The following GPT2 variants were observed in gnomAD, a reference collection of about 807,000 sequenced individuals.
GPT2 encodes the protein alanine aminotransferase 2.
GPT2 carries 30 observed loss-of-function variants against 56.9 expected under a neutral mutation model. The ratio of observed to expected loss-of-function variants is 0.53; its 90% confidence interval spans 0.39 to 0.72. The LOEUF (loss-of-function observed/expected upper bound fraction) is 0.72. Among genes scored for constraint, GPT2 ranks in the 30% least tolerant of loss-of-function variants. GPT2 has a pLI of 0.00. For synonymous variants in GPT2, 271 were observed against 283.1 expected (o/e 0.96, Z 0.43); for missense variants, 542 against 703.4 (o/e 0.77, Z 2.60).
intron 4 of GPT2, among the ~76,000 whole-genome samples, chr16:46,905,836 T>C (rs1960913847): frequency 6.6e-6 from 1 of 152,170 alleles, no homozygotes; most frequent in Non-Finnish European, 1.5e-5. Flanking sequence ...CATGGGTCTT[T>C]CTAGTCAATA....
At chr16:46,892,635 T>A (rs1960606984) in intron 2 of GPT2, among the ~76,000 whole-genome samples, 1 of 152,340 alleles carries the variant, frequency 6.6e-6, no homozygotes, top group East Asian at 1.9e-4. Context: ...AAGTATGAGA[T>A]GATATCTCAT....
chr16:46,897,515 G>A, intron 2 of GPT2, 133 bp from the exon 3 acceptor site: 3 of 735,422 alleles, frequency 4.1e-6, no homozygotes, highest in South Asian at 3.6e-5. Context: ...TCAAAGGCCT[G>A]GCACCAAGTC....
At chr16:46,910,278 G>A (rs537171983) in intron 6 of GPT2, among the ~76,000 whole-genome samples, 7 of 151,456 alleles carry the variant, frequency 4.6e-5, no homozygotes, top group Admixed American at 4.0e-4. Flanking sequence ...CTGCTCAGGA[G>A]GCTGAAGCAT....
At chr16:46,902,781 A>G (rs1969751149) in intron 4 of GPT2, among the ~76,000 whole-genome samples, 1 of 152,006 alleles carries the variant, frequency 6.6e-6, no homozygotes, top group African/African-American at 2.4e-5. Context: ...ACGCGCCACC[A>G]CGCCTGGGTA....
rs761582646 is a variant in GPT2, at chr16:46,928,978, TC to T, written c.1555del (p.Leu519TrpfsTer9). ...LQKVKDFHINFLEKYA is the reference protein window; with the variant it reads ...LQKVKDFHINXLEKYA The stretch of plus-strand genomic sequence containing the variant: ...AAGGTGAAAGACTTCCACATCAACT[TC>T]CTGGAGAAGTACGCGTGAGGACGCC... On this transcript the variant is annotated frameshift_variant, in exon 12 of 12. Coordinates refer to ENST00000340124, the MANE Select transcript of GPT2 (RefSeq NM_133443.4). LOFTEE classifies it high-confidence loss of function. The T allele has an allele frequency of 6.2e-7, 1 of 1,614,068 alleles. No individual in the cohort carries two copies. Among genetic ancestry groups the T allele is most frequent in the Non-Finnish European group, 8.5e-7 (1 of 1,179,952 alleles).
rs1410772530 is a variant in GPT2, at chr16:46,897,716, G to A, written c.312G>A (p.Gln104=). 11 of 1,613,942 alleles carry A rather than the reference G, an allele frequency of 6.8e-6. No homozygotes were observed. The highest frequency in any genetic ancestry group is 7.6e-6 in the Non-Finnish European group (9 of 1,179,918). Residue 104 remains glutamine (Q), a synonymous_variant, in exon 3 of 12, where the codon CAG becomes CAA. Transcript: ENST00000340124. ...NIGDAQAMGQ[Q]PITFLRQVMA... is the part of the protein sequence containing the mutation. The stretch of plus-strand genomic sequence containing the variant: ...GGGACGCCCAGGCTATGGGGCAGCA[G>A]CCAATCACCTTCCTCCGGCAGGTGA...
intron 9 of GPT2, among the ~76,000 whole-genome samples, chr16:46,922,907 C>T (rs1039913343): frequency 4.6e-5 from 7 of 152,184 alleles, no homozygotes; most frequent in Non-Finnish European, 8.8e-5. Flanking sequence ...TCCAGGCTCA[C>T]TTCTTTTTTA....
rs778234212 is a variant in GPT2, at chr16:46,924,509, A to C, written c.1333A>C (p.Ile445Leu). 1.2e-6 allele frequency: 2 copies of C among 1,614,156 alleles called. No individual in the cohort carries two copies. The highest frequency in any genetic ancestry group is 1.7e-6 in the Non-Finnish European group (2 of 1,180,024). The change falls in exon 10 of 12, where the codon ATC becomes CTC. Residue 445 changes from isoleucine (I) to leucine (L), a missense_variant. By Grantham distance (5) the Ile-to-Leu change is conservative. Coordinates refer to ENST00000340124, the MANE Select transcript of GPT2 (RefSeq NM_133443.4). ...GGGGGCCATGTACGCCTTCCCTCGG[A>C]TCTTCATTCCTGCCAAAGCTGTGGA... The part of the protein sequence containing the change: ...LQGAMYAFPR[I>L]FIPAKAVEAA...
At position 46,885,156 on chromosome 16, in the gene GPT2, T is replaced by A. The variant is rs564553894; in HGVS notation, c.243+198T>A. On this transcript the variant is annotated intron_variant, in intron 2 of 11. Coordinates refer to ENST00000340124, the MANE Select transcript of GPT2 (RefSeq NM_133443.4). ...CAGCACCGGGCACTCAGTGAGGCCT[T>A]GCAATACGGTTCACTTGTTGAATTG... 44 of 1,312,910 alleles carry A rather than the reference T, an allele frequency of 3.4e-5. No homozygotes were observed. The African/African-American group carries it at 6.1e-4, about 18-fold the overall frequency. The allele number at this position is 1,312,910 out of a possible 1,614,324, so 81.3% of individuals were successfully genotyped here. A position where few individuals can be genotyped will look rare whatever the true frequency, so the allele number is the denominator to read the frequency against.
chr16:46,920,824 G>A (rs939102492), intron 8 of GPT2, among the ~76,000 whole-genome samples: 1 of 152,008 alleles, frequency 6.6e-6, no homozygotes, highest in African/African-American at 2.4e-5. Flanking sequence ...TCTGTTCTCG[G>A]TGAACTCAGT....
chr16:46,893,358 G>A (rs1364905986), intron 2 of GPT2, among the ~76,000 whole-genome samples: 3 of 152,050 alleles, frequency 2.0e-5, no homozygotes, highest in Admixed American at 2.0e-4. Flanking sequence ...GTCTCGATCT[G>A]CTGACCTCGT....
intron 2 of GPT2, among the ~76,000 whole-genome samples, chr16:46,896,277 T>G (rs1960684189): frequency 6.6e-6 from 1 of 152,146 alleles, no homozygotes; most frequent in African/African-American, 2.4e-5. Context: ...TCCCTGTAAT[T>G]CTCTATGTCA....
At chr16:46,898,973 C>CAT (rs1432579750) in intron 3 of GPT2, among the ~76,000 whole-genome samples, 10 of 8,856 alleles carry the variant, frequency 1.1e-3, no homozygotes, top group African/African-American at 2.0e-3. Flanking sequence ...TATACACACA[C>CAT]ACATATATAT....
chr16:46,898,151 C>A (rs753616225), intron 3 of GPT2, among the ~76,000 whole-genome samples: 1 of 152,182 alleles, frequency 6.6e-6, no homozygotes, highest in Non-Finnish European at 1.5e-5. Flanking sequence ...GTGGGCTCTG[C>A]TGCGTACCAG....
chr16:46,896,427 C>T (rs144053353), intron 2 of GPT2, among the ~76,000 whole-genome samples: 188 of 152,102 alleles, frequency 1.2e-3, no homozygotes, highest in African/African-American at 4.3e-3. Context: ...ATTTGCTCTT[C>T]AGTCAGTCTT....
intron 6 of GPT2, among the ~76,000 whole-genome samples, chr16:46,911,143 A>G (rs1961039350): frequency 6.6e-6 from 1 of 152,204 alleles, no homozygotes; most frequent in African/African-American, 2.4e-5. Flanking sequence ...AACAAAAGCA[A>G]CTAAACCAAA....
intron 4 of GPT2, among the ~76,000 whole-genome samples, chr16:46,906,153 A>G (rs1960921160): frequency 6.6e-6 from 1 of 152,098 alleles, no homozygotes; most frequent in South Asian, 2.1e-4. Flanking sequence ...AGCTCACCGC[A>G]GCCTCTACCT....
Position 46,927,020 on chromosome 16 carries a change from A to G in GPT2, c.1464A>G (p.Glu488=). 1.2e-6 allele frequency: 2 copies of G among 1,603,488 alleles called. No homozygotes were observed. The highest frequency in any genetic ancestry group is 1.7e-6 in the Non-Finnish European group (2 of 1,175,576). ...VVPGSGFGQR[E]GTYHFRMTIL... is the part of the protein sequence containing the mutation. ...CCGGCAGTGGCTTTGGGCAGAGGGA[A>G]GGCACTTACCACTTCAGGTATGACT... The change falls in exon 11 of 12, where the codon GAA becomes GAG. Residue 488 remains glutamate (E), a synonymous_variant. Coordinates refer to ENST00000340124, the MANE Select transcript of GPT2 (RefSeq NM_133443.4).
intron 2 of GPT2, among the ~76,000 whole-genome samples, chr16:46,894,887 G>A (rs1169741782): frequency 6.6e-6 from 1 of 152,016 alleles, no homozygotes; most frequent in Non-Finnish European, 1.5e-5. Flanking sequence ...GGATGGTCTC[G>A]ATCTGCTGAC....
Sources: gnomAD v4.1 joint callset for allele counts (sites outside exome capture counted in the v4.1 genomes callset) on GRCh38, gnomAD v4.1.1 for gene constraint, MANE v1.5 for transcripts, NCBI Gene and HGNC (gene_info 2026-07-23, HGNC 2026-07-21) for gene names.